The following NDUFA10 variants were observed in gnomAD, a reference collection of about 807,000 sequenced individuals.
NDUFA10 encodes the protein NADH:ubiquinone oxidoreductase subunit A10.
A neutral mutation model predicts 47.8 loss-of-function variants in NDUFA10; 40 were observed. The ratio of observed to expected loss-of-function variants is 0.84; its 90% confidence interval spans 0.65 to 1.09. The LOEUF (loss-of-function observed/expected upper bound fraction) is 1.09, where lower values mean the gene tolerates loss of function less well. Ranked by LOEUF, NDUFA10 falls within the 50% of genes least tolerant of loss-of-function variation. The pLI is 0.00. For missense variants in NDUFA10, 413 were observed against 451.1 expected, an observed-to-expected ratio of 0.92 and a Z score of 0.76; for synonymous variants, 183 against 172.2, an observed-to-expected ratio of 1.06 and a Z score of -0.49.
intron 8 of NDUFA10, among the ~76,000 whole-genome samples, chr2:240,004,122 T>C (rs1386754322): frequency 1.3e-5 from 2 of 151,896 alleles, no homozygotes; most frequent in East Asian, 1.9e-4. Flanking sequence ...AGGCAGCAGC[T>C]GGTGGAGGAG....
At chr2:239,982,953 TTGTTAGA>T (rs558324631) in intron 9 of NDUFA10, among the ~76,000 whole-genome samples, 3 of 152,144 alleles carry the variant, frequency 2.0e-5, no homozygotes, top group Non-Finnish European at 4.4e-5. Context: ...GTGGGGCCTT[TTGTTAGA>T]AATAAAAACC....
intron 4 of NDUFA10, among the ~76,000 whole-genome samples, chr2:239,941,312 G>A (rs556582253): frequency 1.5e-3 from 222 of 152,312 alleles, no homozygotes; most frequent in African/African-American, 5.2e-3. Context: ...GTGGCACATA[G>A]GGTAAAGTAT....
chr2:239,960,382 G>A lies in NDUFA10; in HGVS notation c.*736C>T, dbSNP rs1694800826. ...CTTGATTTTCTGGGTAATAAAGAGAGTATATTATTTTGCTTTTGCATCTTA... is the reference window on the plus strand; with the variant it reads ...CTTGATTTTCTGGGTAATAAAGAGAATATATTATTTTGCTTTTGCATCTTA... On this transcript the variant is annotated 3_prime_UTR_variant, in exon 10 of 10. Transcript: ENST00000252711. 1.0e-6 allele frequency: 1 copy of A among 985,976 alleles called. No homozygotes were observed. Among genetic ancestry groups the A allele is most frequent in the Non-Finnish European group, 1.2e-6 (1 of 830,346 alleles). The allele number at this position is 985,976 out of a possible 1,614,324, so 61.1% of individuals were successfully genotyped here.
chr2:239,986,038 C>T (rs1422597465), intron 9 of NDUFA10, among the ~76,000 whole-genome samples: 2 of 152,110 alleles, frequency 1.3e-5, no homozygotes, highest in East Asian at 3.9e-4. Flanking sequence ...ACACACACCC[C>T]AGAGAGTATA....
chr2:239,910,920 C>T (rs905685550), intron 4 of NDUFA10, among the ~76,000 whole-genome samples: 36 of 152,298 alleles, frequency 2.4e-4, no homozygotes, highest in African/African-American at 8.7e-4. Context: ...AGGCAGAGGC[C>T]GCTCCGTCCT....
In NDUFA10 at chr2:239,960,853, C is replaced by T. The variant is rs1469523829; in HGVS notation, c.*265G>A. The stretch of plus-strand genomic sequence containing the variant: ...GGGGCTGCCGAGAGCTGGCCTTTCA[C>T]AGCAGACCACTGTTTTCCAGTGAGA... On this transcript the variant is annotated 3_prime_UTR_variant, in exon 10 of 10. Coordinates refer to ENST00000252711, the MANE Select transcript of NDUFA10 (RefSeq NM_004544.4). 7.3e-7 allele frequency: 1 copy of T among 1,376,564 alleles called. No homozygotes were observed. The highest frequency in any genetic ancestry group is 9.5e-7 in the Non-Finnish European group (1 of 1,057,904). 85.3% of individuals were successfully genotyped at this position (1,376,564 alleles called of 1,614,324 possible).
chr2:240,005,088 TA>T, intron 8 of NDUFA10, 121 bp downstream of exon 8: 1 of 853,504 alleles, frequency 1.2e-6, no homozygotes, highest in Non-Finnish European at 2.0e-6. Context: ...AAAATACCTC[TA>T]AGTATTGGGT....
At chr2:239,940,307 G>T (rs774326330) in intron 4 of NDUFA10, among the ~76,000 whole-genome samples, 3 of 152,258 alleles carry the variant, frequency 2.0e-5, no homozygotes, top group Non-Finnish European at 2.9e-5. Context: ...AACACTGGCA[G>T]TCACTGTGGC....
chr2:239,897,077 T>C (rs1365280717), intron 4 of NDUFA10, among the ~76,000 whole-genome samples: 1 of 152,218 alleles, frequency 6.6e-6, no homozygotes, highest in Non-Finnish European at 1.5e-5. Context: ...TTGCAATAAA[T>C]TAGTAAGGAG....
intron 8 of NDUFA10, among the ~76,000 whole-genome samples, chr2:239,991,237 C>T (rs749843716): frequency 2.0e-5 from 3 of 152,122 alleles, no homozygotes; most frequent in Non-Finnish European, 4.4e-5. Flanking sequence ...CTGCGGCAAG[C>T]TGAAGATGAG....
intron 4 of NDUFA10, among the ~76,000 whole-genome samples, chr2:239,900,705 A>AGTG (rs1470425787): frequency 1.3e-5 from 2 of 152,190 alleles, no homozygotes; most frequent in African/African-American, 2.4e-5. Context: ...GATATGGAGA[A>AGTG]GTGGTCTGGC....
In NDUFA10 at chr2:240,014,633, C is replaced by T. The variant is rs868098910; in HGVS notation, c.669+106G>A. ...GGAACAGGGTGTGTGTCACCCTCCT[C>T]GTGAGGACTGGTAGGAATTAGTATA... On this transcript the variant is annotated intron_variant, in intron 5 of 9. Coordinates refer to ENST00000252711, the MANE Select transcript of NDUFA10 (RefSeq NM_004544.4). 10 of 1,535,848 alleles carry T rather than the reference C, an allele frequency of 6.5e-6. 1 individual carries two copies. The highest frequency in any genetic ancestry group is 3.4e-4 in the Middle Eastern group (2 of 5,884).
intron 9 of NDUFA10, chr2:239,969,404 A>C: frequency 4.0e-6 from 1 of 250,048 alleles, no homozygotes; most frequent in East Asian, 9.3e-5. Flanking sequence ...GCAGGGAGGA[A>C]AGTGTGCTCC....
intron 4 of NDUFA10, among the ~76,000 whole-genome samples, chr2:239,930,121 A>G (rs35299787): frequency 0.1 from 9,056 of 88,332 alleles, 320 homozygotes; most frequent in Non-Finnish European, 0.11. Flanking sequence ...CTGCTCCTCC[A>G]CCAGTCCTGC....
chr2:239,922,443 T>C (rs1040166964), intron 4 of NDUFA10, among the ~76,000 whole-genome samples: 1 of 152,218 alleles, frequency 6.6e-6, no homozygotes, highest in Non-Finnish European at 1.5e-5. Context: ...GACCATGCCC[T>C]ACCTCCACCT....
chr2:240,015,294 G>C (rs1357581277), intron 4 of NDUFA10, among the ~76,000 whole-genome samples: 1 of 152,200 alleles, frequency 6.6e-6, no homozygotes, highest in African/African-American at 2.4e-5. Context: ...CAAGATGGAG[G>C]TCACAGTTCA....
intron 9 of NDUFA10, chr2:239,969,422 C>T (rs936953945): frequency 2.7e-4 from 46 of 170,328 alleles, no homozygotes; most frequent in African/African-American, 2.2e-3. Context: ...TCCTCTGCAA[C>T]GCTCCTGCTG....
chr2:240,003,404 C>T (rs894464016), intron 8 of NDUFA10, among the ~76,000 whole-genome samples: 1 of 152,208 alleles, frequency 6.6e-6, no homozygotes, highest in African/African-American at 2.4e-5. Context: ...GTGCCCCGGC[C>T]ATCCTTGTGC....
chr2:239,943,812 G>A (rs1015134183), intron 4 of NDUFA10, among the ~76,000 whole-genome samples: 1 of 152,148 alleles, frequency 6.6e-6, no homozygotes, highest in African/African-American at 2.4e-5. Flanking sequence ...GATGCTCCCT[G>A]CAGCCCCTCT....
Sources: gnomAD v4.1 joint callset for allele counts (sites outside exome capture counted in the v4.1 genomes callset) on GRCh38, gnomAD v4.1.1 for gene constraint, MANE v1.5 for transcripts, NCBI Gene and HGNC (gene_info 2026-07-23, HGNC 2026-07-21) for gene names.